The following MYH3 variants were observed in gnomAD, a reference collection of about 807,000 sequenced individuals.
MYH3 encodes the protein myosin heavy chain 3, also known as myosin-3.
MYH3 carries 130 observed loss-of-function variants against 238.0 expected under a neutral mutation model. That is an observed-to-expected ratio of 0.55 (90% confidence interval 0.47 to 0.63). The LOEUF is 0.63. Ranked by LOEUF, MYH3 falls within the 30% of genes least tolerant of loss-of-function variation. MYH3 has a pLI of 0.00. For synonymous variants in MYH3, 880 were observed against 924.1 expected (o/e 0.95, Z 0.86); for missense variants, 1,853 against 2,374.9 (o/e 0.78, Z 4.57).
intron 3 of MYH3, among the ~76,000 whole-genome samples, chr17:10,653,710 G>A (rs774748746): frequency 1.6e-4 from 24 of 152,122 alleles, no homozygotes; most frequent in Non-Finnish European, 2.9e-4. Context: ...AGTTTTCCTG[G>A]TTCTGTCTCT....
chr17:10,638,614 T>C lies in MYH3; in HGVS notation c.3340-182A>G, dbSNP rs1419327256. Among the ~76,000 whole-genome samples, 3 of 152,226 alleles carry C rather than the reference T, an allele frequency of 2.0e-5. No homozygotes were observed. In the South Asian group the frequency reaches 6.2e-4, roughly 31 times the overall value. The stretch of plus-strand genomic sequence containing the variant: ...CCCAACATGGTAATTACTCCTGCAG[T>C]GACCAAACCTGAACATTTTCCACCA... On this transcript the variant is annotated intron_variant, in intron 26 of 40. Transcript: ENST00000583535.
chr17:10,661,308 A>T (rs2074478943), upstream of MYH3, among the ~76,000 whole-genome samples: 1 of 151,270 alleles, frequency 6.6e-6, no homozygotes, highest in Non-Finnish European at 1.5e-5. Context: ...AAAAAAAAAA[A>T]AAAAAAAAAA....
intron 28 of MYH3, among the ~76,000 whole-genome samples, chr17:10,636,875 T>C (rs2074220902): frequency 6.7e-6 from 1 of 149,684 alleles, no homozygotes; most frequent in Non-Finnish European, 1.5e-5. Flanking sequence ...GATCACACAA[T>C]TGCACTCCAG....
chr17:10,640,116 C>T lies in MYH3; in HGVS notation c.2562G>A (p.Lys854=). The part of the protein sequence containing the change: ...AETEKEMATM[K]EEFQKTKDEL... ...CATCTTTGGTTTTCTGGAATTCTTCCTTCATGGTGGCCATCTCTTTCTCAG... is the reference window on the plus strand; with the variant it reads ...CATCTTTGGTTTTCTGGAATTCTTCTTTCATGGTGGCCATCTCTTTCTCAG... Residue 854 remains lysine (K), a synonymous_variant, in exon 22 of 41, where the codon AAG becomes AAA. Coordinates refer to ENST00000583535, the MANE Select transcript of MYH3 (RefSeq NM_002470.4). 6.2e-7 allele frequency: 1 copy of T among 1,614,138 alleles called. No individual in the cohort carries two copies. Among genetic ancestry groups the T allele is most frequent in the Non-Finnish European group, 8.5e-7 (1 of 1,180,034 alleles).
chr17:10,647,648 G>C (rs1276265796), intron 8 of MYH3, among the ~76,000 whole-genome samples: 2 of 152,160 alleles, frequency 1.3e-5, no homozygotes, highest in Non-Finnish European at 2.9e-5. Context: ...GGGTTCAAGT[G>C]ATTCTCCTGC....
At chr17:10,652,204 C>T in intron 4 of MYH3, 2 of 654,294 alleles carry the variant, frequency 3.1e-6, no homozygotes, top group East Asian at 3.0e-5. Context: ...AGCTTCCCCG[C>T]TCTCCGGCTC....
chr17:10,645,805 G>C lies in MYH3; in HGVS notation c.1043C>G (p.Ser348Cys). The change falls in exon 12 of 41, where the codon TCT (serine) becomes TGT (cysteine). Residue 348 changes from serine (S) to cysteine (C), a missense_variant. Ser to Cys is a moderately radical substitution (Grantham distance 112). Around this residue, in one of 3 missense-constraint regions of MYH3, gnomAD observed 678 missense variants for 1,058.9 expected, o/e 0.64. Transcript: ENST00000583535. The stretch of plus-strand genomic sequence containing the variant: ...GGCTCCCGTCAGCTTGTAGAGCCCA[G>C]ATTTCTCTTCTGGGGTGAAGCCCAG... ...DILGFTPEEK[S>C]GLYKLTGAVM... is the part of the protein sequence containing the mutation. 2 of 1,613,868 alleles carry C rather than the reference G, an allele frequency of 1.2e-6. No homozygotes were observed. Among genetic ancestry groups the C allele is most frequent in the Non-Finnish European group, 1.7e-6 (2 of 1,180,002 alleles).
At chr17:10,651,942 C>T (rs776123131) in intron 4 of MYH3, 6 of 426,856 alleles carry the variant, frequency 1.4e-5, no homozygotes, top group Non-Finnish European at 1.7e-5. Flanking sequence ...GGGGCTTCAC[C>T]ATGTTGGCCA....
intron 4 of MYH3, 121 bp downstream of exon 4, chr17:10,652,299 T>C: frequency 7.9e-7 from 1 of 1,259,450 alleles, no homozygotes; most frequent in Non-Finnish European, 1.1e-6. Context: ...TTGTGTTTTG[T>C]TCATCAGCTA....
At position 10,641,081 on chromosome 17, in the gene MYH3, A is replaced by T; in HGVS notation, c.2165+4T>A. On this transcript the variant is annotated splice_donor_region_variant and intron_variant, in intron 19 of 40. Transcript: ENST00000583535. ...CAAGCATATAGAACATGTTTATTAC[A>T]CACCTTTGTTTAAAATCGCCATAGA... 1 of 1,578,630 alleles carries T rather than the reference A, an allele frequency of 6.3e-7. No homozygotes were observed. Among genetic ancestry groups the T allele is most frequent in the Non-Finnish European group, 8.7e-7 (1 of 1,148,844 alleles).
At position 10,632,740 on chromosome 17, in the gene MYH3, A is replaced by C; in HGVS notation, c.4692T>G (p.Leu1564=). The C allele has an allele frequency of 6.2e-7, 1 of 1,614,228 alleles. No homozygotes were observed. The highest frequency in any genetic ancestry group is 1.3e-5 in the African/African-American group (1 of 75,050). The part of the protein sequence containing the change: ...HEEAKILRIQ[L]ELTQVKSEID... ...TTTCTGATTTCACTTGTGTCAATTC[A>C]AGCTGGATTCGGAGGATCTTGGCTT... Residue 1564 remains leucine, a synonymous_variant, in exon 34 of 41, where the codon CTT becomes CTG. Transcript: ENST00000583535.
chr17:10,648,279 G>C (rs561309787), intron 8 of MYH3, among the ~76,000 whole-genome samples: 1 of 152,098 alleles, frequency 6.6e-6, no homozygotes, highest in Non-Finnish European at 1.5e-5. Flanking sequence ...ATTTCAAGTT[G>C]GGCTCTTTCT....
intron 31 of MYH3, among the ~76,000 whole-genome samples, chr17:10,634,625 T>C (rs902133923): frequency 1.5e-4 from 23 of 152,192 alleles, no homozygotes; most frequent in African/African-American, 5.5e-4. Context: ...TTGGTTTGTT[T>C]CCACGGACAA....
At chr17:10,663,128 A>AAAT in the MYH3 span, among the ~76,000 whole-genome samples, 2 of 152,094 alleles carry the variant, frequency 1.3e-5, no homozygotes, top group Non-Finnish European at 2.9e-5. Context: ...AAATAAAATA[A>AAAT]AATAAAATAA....
upstream of MYH3, among the ~76,000 whole-genome samples, chr17:10,660,279 T>C (rs1165732838): frequency 6.6e-6 from 1 of 152,248 alleles, no homozygotes; most frequent in East Asian, 1.9e-4. Flanking sequence ...CTGCAGATTA[T>C]GGCACAGTGT....
intron 25 of MYH3, 31 bp from the exon 26 acceptor site, chr17:10,638,994 C>G: frequency 6.2e-7 from 1 of 1,614,108 alleles, no homozygotes; most frequent in Non-Finnish European, 8.5e-7. Flanking sequence ...TGCATGAAGA[C>G]AAAATACACA....
chr17:10,630,577 C>T (rs1439007487), intron 36 of MYH3, 119 bp from the exon 37 acceptor site: 89 of 1,451,510 alleles, frequency 6.1e-5, no homozygotes, highest in Middle Eastern at 5.3e-4. Flanking sequence ...AGGCCAGGCG[C>T]GGTGGCTCAC....
chr17:10,661,130 C>A (rs1277097350), upstream of MYH3, among the ~76,000 whole-genome samples: 1 of 151,624 alleles, frequency 6.6e-6, no homozygotes, highest in Non-Finnish European at 1.5e-5. Context: ...GCATATGCCA[C>A]CATGCCTGGC....
chr17:10,661,102 G>A (rs148706554), upstream of MYH3, among the ~76,000 whole-genome samples: 172 of 151,374 alleles, frequency 1.1e-3, 4 homozygotes, highest in East Asian at 0.029. Flanking sequence ...TTAGCCTCCC[G>A]AGTAGCTGGG....
Sources: allele counts gnomAD v4.1 joint callset (sites outside exome capture counted in the v4.1 genomes callset), GRCh38; gene constraint gnomAD v4.1.1; regional missense constraint gnomAD v4.1.1; transcripts MANE v1.5; gene names NCBI Gene and HGNC (gene_info 2026-07-23, HGNC 2026-07-21).